Variants in DLG2 observed in about 807,000 individuals in gnomAD.
The protein encoded by DLG2 is discs large MAGUK scaffold protein 2, also known as disks large homolog 2.
DLG2 carries 45 observed loss-of-function variants against 132.5 expected under a neutral mutation model. The ratio of observed to expected loss-of-function variants is 0.34; its 90% CI spans 0.27 to 0.44. DLG2 has a LOEUF of 0.44. Ranked by LOEUF, DLG2 falls within the 20% of genes least tolerant of loss-of-function variation. The pLI, the probability that DLG2 is intolerant of heterozygous loss-of-function variation, is 1.00. For synonymous variants in DLG2, 424 were observed against 419.6 expected (o/e 1.01, Z -0.13); for missense variants, 1,045 against 1,196.9 (o/e 0.87, Z 1.87).
intron 18 of DLG2, among the ~76,000 whole-genome samples, chr11:83,738,212 C>T (rs1371191528): frequency 6.6e-6 from 1 of 152,160 alleles, no homozygotes; most frequent in Non-Finnish European, 1.5e-5. Context: ...TCTTTATCTA[C>T]AACCAGCCAC....
intron 10 of DLG2, among the ~76,000 whole-genome samples, chr11:84,088,893 C>T (rs906140718): frequency 3.3e-5 from 5 of 152,174 alleles, no homozygotes; most frequent in African/African-American, 1.2e-4. Flanking sequence ...TTCAGAGCAA[C>T]AGCTGGGCTT....
chr11:84,761,317 T>C (rs892940956), intron 6 of DLG2, among the ~76,000 whole-genome samples: 1 of 152,194 alleles, frequency 6.6e-6, no homozygotes, highest in African/African-American at 2.4e-5. Context: ...ATTTGCTAAA[T>C]GGTTATGGGG....
At chr11:85,305,748 C>T (rs1441332909) in intron 3 of DLG2, among the ~76,000 whole-genome samples, 2 of 152,206 alleles carry the variant, frequency 1.3e-5, no homozygotes, top group Non-Finnish European at 2.9e-5. Flanking sequence ...CTCCTGACCT[C>T]ATGGTCCGCC....
intron 3 of DLG2, among the ~76,000 whole-genome samples, chr11:85,533,144 C>T (rs2075332448): frequency 6.6e-6 from 1 of 152,108 alleles, no homozygotes; most frequent in Admixed American, 6.6e-5. Flanking sequence ...CTGCTTCAGC[C>T]TCCCAAGTAG....
intron 8 of DLG2, among the ~76,000 whole-genome samples, chr11:84,242,321 GT>G (rs1378660003): frequency 2.6e-5 from 4 of 152,070 alleles, no homozygotes; most frequent in Admixed American, 6.6e-5. Context: ...TTTGTGAATG[GT>G]AAGTAGGTCA....
At chr11:84,620,555 G>C (rs530727104) in intron 6 of DLG2, among the ~76,000 whole-genome samples, 5 of 151,952 alleles carry the variant, frequency 3.3e-5, no homozygotes, top group Non-Finnish European at 7.4e-5. Flanking sequence ...TACAATATAG[G>C]TGTAAGCACA....
chr11:84,637,052 T>G (rs1034611374), intron 6 of DLG2, among the ~76,000 whole-genome samples: 1 of 151,362 alleles, frequency 6.6e-6, no homozygotes, highest in Non-Finnish European at 1.5e-5. Flanking sequence ...CCTCCCAGAG[T>G]GCTGGGATTA....
rs1173811513 is a variant in DLG2, at chr11:83,589,516, G to C, written c.1940+43695C>G. Among the ~76,000 whole-genome samples the C allele has an allele frequency of 2.2e-4, 33 of 152,038 alleles. No individual in the cohort carries two copies. The South Asian group carries it at 5.2e-3, about 24-fold the overall frequency. On this transcript the variant is annotated intron_variant, in intron 19 of 27. Coordinates refer to ENST00000376104, the MANE Select transcript of DLG2 (RefSeq NM_001142699.3). ...CACTAAACATGGAAAGGAACAACCG[G>C]AACCAGCCACTGCAAAATCATGCCA... is the stretch of plus-strand genomic sequence containing the variant.
chr11:84,016,453 G>T (rs1001500223), intron 11 of DLG2, among the ~76,000 whole-genome samples: 34 of 152,022 alleles, frequency 2.2e-4, no homozygotes, highest in African/African-American at 8.2e-4. Flanking sequence ...GTATTGCCTA[G>T]GTTGTCTTTG....
intron 18 of DLG2, among the ~76,000 whole-genome samples, chr11:83,652,239 G>A (rs1039295727): frequency 2.6e-5 from 4 of 152,148 alleles, no homozygotes; most frequent in African/African-American, 9.7e-5. Context: ...GCAATAGCCT[G>A]CACTTGTTCT....
intron 6 of DLG2, among the ~76,000 whole-genome samples, chr11:85,050,672 A>G (rs1204366218): frequency 6.6e-6 from 1 of 152,112 alleles, no homozygotes; most frequent in Non-Finnish European, 1.5e-5. Context: ...GACAAGAAAA[A>G]ATCAAAGATA....
chr11:84,097,545 G>A (rs983066139), intron 10 of DLG2, among the ~76,000 whole-genome samples: 1 of 152,054 alleles, frequency 6.6e-6, no homozygotes, highest in African/African-American at 2.4e-5. Context: ...CTCCTCCACT[G>A]CAAAATCTCC....
In DLG2 at chr11:84,242,513, C is replaced by A. The variant is rs537484306; in HGVS notation, c.573+8725G>T. 2.0e-5 allele frequency among the ~76,000 whole-genome samples: 3 copies of A among 151,870 alleles called. No homozygotes were observed. In the East Asian group the frequency reaches 5.9e-4, roughly 30 times the overall value. ...TGCTGCCTCCCAGGTTCAACTGATT[C>A]TCCTGCCTCAGCCTCCCAAGTAGCT... On this transcript the variant is annotated intron_variant, in intron 8 of 27. Coordinates refer to ENST00000376104, the MANE Select transcript of DLG2 (RefSeq NM_001142699.3).
chr11:84,571,902 G>C (rs2099486073), intron 6 of DLG2, among the ~76,000 whole-genome samples: 1 of 152,098 alleles, frequency 6.6e-6, no homozygotes, highest in Non-Finnish European at 1.5e-5. Flanking sequence ...ACTGCATACT[G>C]TTTATGTATC....
intron 6 of DLG2, among the ~76,000 whole-genome samples, chr11:84,857,236 G>C (rs760950201): frequency 1.3e-5 from 2 of 151,894 alleles, no homozygotes; most frequent in Non-Finnish European, 2.9e-5. Flanking sequence ...AAGAAAATCT[G>C]TTTGTTTCTT....
chr11:83,922,812 C>T (rs892395581), intron 15 of DLG2, among the ~76,000 whole-genome samples: 1 of 152,036 alleles, frequency 6.6e-6, no homozygotes, highest in East Asian at 1.9e-4. Context: ...ACACACTTTG[C>T]AAAATTAATG....
intron 9 of DLG2, among the ~76,000 whole-genome samples, chr11:84,103,915 A>C (rs1341055079): frequency 6.6e-6 from 1 of 152,024 alleles, no homozygotes; most frequent in Non-Finnish European, 1.5e-5. Context: ...GATTTTTAGA[A>C]TTTTTCTACT....
intron 6 of DLG2, among the ~76,000 whole-genome samples, chr11:84,951,603 C>T (rs1041071044): frequency 1.3e-5 from 2 of 149,626 alleles, no homozygotes; most frequent in South Asian, 2.1e-4. Flanking sequence ...TATATATACA[C>T]ATATATATAC....
At chr11:83,514,438 A>G (rs1209560305) in intron 21 of DLG2, among the ~76,000 whole-genome samples, 2 of 152,288 alleles carry the variant, frequency 1.3e-5, no homozygotes, top group South Asian at 2.1e-4. Context: ...GGCTGAGACG[A>G]TGGGGTTTTC....
Sources: gnomAD v4.1 joint callset for allele counts (sites outside exome capture counted in the v4.1 genomes callset) on GRCh38, gnomAD v4.1.1 for gene constraint, MANE v1.5 for transcripts, NCBI Gene and HGNC (gene_info 2026-07-23, HGNC 2026-07-21) for gene names.